The following TMEM232 variants were observed in gnomAD, a reference collection of about 807,000 sequenced individuals.
TMEM232 encodes the protein transmembrane protein 232.
A neutral mutation model predicts 78.8 loss-of-function variants in TMEM232; 80 were observed. That is an observed-to-expected ratio of 1.01 (90% CI 0.85 to 1.22). TMEM232 has a LOEUF of 1.22. Among genes scored for constraint, TMEM232 ranks in the 50% most tolerant of loss-of-function variants. The probability of loss-of-function intolerance (pLI) is 0.00; values close to 1 mark genes in which losing one functional copy is unlikely to be tolerated. For synonymous variants in TMEM232, 297 were observed against 254.3 expected, an observed-to-expected ratio of 1.17 and a Z score of -1.60; for missense variants, 881 against 742.2, an observed-to-expected ratio of 1.19 and a Z score of -2.17.
At chr5:110,706,242 T>C (rs915719172) in intron 1 of TMEM232, among the ~76,000 whole-genome samples, 1 of 152,088 alleles carries the variant, frequency 6.6e-6, no homozygotes, top group Non-Finnish European at 1.5e-5. Flanking sequence ...GAGGTACAAA[T>C]ACAAAGAAAA....
intron 11 of TMEM232, among the ~76,000 whole-genome samples, chr5:110,556,198 A>G (rs778398781): frequency 6.6e-6 from 1 of 152,084 alleles, no homozygotes; most frequent in Non-Finnish European, 1.5e-5. Context: ...TTCCCTTAGT[A>G]TTCGCTTGTT....
At chr5:110,497,368 G>A (rs1041028259) in intron 12 of TMEM232, among the ~76,000 whole-genome samples, 8 of 152,046 alleles carry the variant, frequency 5.3e-5, no homozygotes, top group Non-Finnish European at 1.0e-4. Context: ...GTGGAGACAT[G>A]GAACTTGAAT....
At chr5:110,721,302 T>A (rs2150347540) in intron 1 of TMEM232, among the ~76,000 whole-genome samples, 1 of 152,242 alleles carries the variant, frequency 6.6e-6, no homozygotes, top group African/African-American at 2.4e-5. Context: ...TTCAGCTTTC[T>A]AATAGTCTGG....
At chr5:110,613,487 G>C (rs1462449735) in intron 8 of TMEM232, among the ~76,000 whole-genome samples, 4 of 152,052 alleles carry the variant, frequency 2.6e-5, no homozygotes, top group African/African-American at 9.7e-5. Context: ...TTACTTTCCT[G>C]AAATGTACGG....
chr5:110,535,186 C>T (rs1023925279), intron 11 of TMEM232, among the ~76,000 whole-genome samples: 4 of 152,138 alleles, frequency 2.6e-5, no homozygotes, highest in East Asian at 1.9e-4. Flanking sequence ...TCCAGATGAC[C>T]GGTTCCTGCC....
chr5:110,729,896 T>C (rs17132313), upstream of TMEM232, among the ~76,000 whole-genome samples: 2,907 of 152,298 alleles, frequency 0.019, 81 homozygotes, highest in African/African-American at 0.067. Context: ...AAGTGACACA[T>C]TCACCTGGGA....
intron 12 of TMEM232, among the ~76,000 whole-genome samples, chr5:110,450,282 A>AT (rs987435469): frequency 2.0e-5 from 3 of 152,092 alleles, no homozygotes; most frequent in East Asian, 1.9e-4. Flanking sequence ...TAATGCAATT[A>AT]TTTTTTAGCT....
intron 5 of TMEM232, among the ~76,000 whole-genome samples, chr5:110,628,662 AGTGTGTGTGTGT>A (rs146531604): frequency 8.5e-5 from 12 of 140,818 alleles, no homozygotes; most frequent in South Asian, 2.2e-4. Context: ...GTCAGTATCC[AGTGTGTGTGTGT>A]GTGTGTGTGT....
chr5:110,731,665 C>G (rs938168282), upstream of TMEM232, among the ~76,000 whole-genome samples: 2 of 152,206 alleles, frequency 1.3e-5, no homozygotes, highest in Non-Finnish European at 2.9e-5. Context: ...AGCTGGGACA[C>G]AGGACACCAA....
At chr5:110,623,099 G>C (rs1322589006) in intron 7 of TMEM232, among the ~76,000 whole-genome samples, 4 of 152,036 alleles carry the variant, frequency 2.6e-5, no homozygotes, top group Non-Finnish European at 5.9e-5. Context: ...GCTATCCAAA[G>C]AGCTAATTAA....
At chr5:110,396,300 G>A (rs1428432831) in intron 3 of TMEM232, among the ~76,000 whole-genome samples, 1 of 152,102 alleles carries the variant, frequency 6.6e-6, no homozygotes, top group African/African-American at 2.4e-5. Context: ...CTGGACATGT[G>A]GGGATTACAA....
intron 11 of TMEM232, among the ~76,000 whole-genome samples, chr5:110,556,356 TTCCCC>T (rs1050804278): frequency 8.7e-5 from 13 of 149,620 alleles, no homozygotes; most frequent in African/African-American, 3.0e-4. Context: ...TTCCCTTCCC[TTCCCC>T]TTCCTTCCTT....
intron 10 of TMEM232, among the ~76,000 whole-genome samples, chr5:110,575,236 T>C (rs1159522727): frequency 3.3e-5 from 5 of 152,088 alleles, no homozygotes; most frequent in Non-Finnish European, 7.4e-5. Context: ...ATCATCATTA[T>C]TGATCATTAC....
intron 10 of TMEM232, among the ~76,000 whole-genome samples, chr5:110,594,554 T>C (rs10068568): frequency 0.075 from 11,421 of 152,216 alleles, 539 homozygotes; most frequent in South Asian, 0.2. Flanking sequence ...CAAGAACTAC[T>C]GTCTTGAAAT....
chr5:110,482,382 A>G (rs1465719406), intron 12 of TMEM232, among the ~76,000 whole-genome samples: 1 of 152,106 alleles, frequency 6.6e-6, no homozygotes, highest in African/African-American at 2.4e-5. Flanking sequence ...GGAGTTTGAG[A>G]TGAGCCTGGC....
chr5:110,633,146 A>G (rs1021956416), intron 5 of TMEM232, among the ~76,000 whole-genome samples: 3 of 152,186 alleles, frequency 2.0e-5, no homozygotes, highest in African/African-American at 7.2e-5. Flanking sequence ...ATTATCCTTC[A>G]TACATGAAGA....
At chr5:110,391,169 G>GTA (rs1486149996) in intron 3 of TMEM232, among the ~76,000 whole-genome samples, 1 of 152,120 alleles carries the variant, frequency 6.6e-6, no homozygotes, top group African/African-American at 2.4e-5. Context: ...TAGCTTGTAA[G>GTA]TATGTCCTGA....
At chr5:110,679,106 T>C (rs565192603) in intron 1 of TMEM232, among the ~76,000 whole-genome samples, 2 of 152,112 alleles carry the variant, frequency 1.3e-5, no homozygotes, top group Admixed American at 1.3e-4. Context: ...ACCACCAAAT[T>C]GTCTTCCAAA....
intron 12 of TMEM232, among the ~76,000 whole-genome samples, chr5:110,444,313 G>A (rs948522022): frequency 2.6e-5 from 4 of 152,078 alleles, no homozygotes; most frequent in Admixed American, 6.5e-5. Flanking sequence ...CTGTGTGGGC[G>A]CTGGCTGAGT....
Sources: gnomAD v4.1 joint callset for allele counts (sites outside exome capture counted in the v4.1 genomes callset) on GRCh38, gnomAD v4.1.1 for gene constraint, MANE v1.5 for transcripts, NCBI Gene and HGNC (gene_info 2026-07-23, HGNC 2026-07-21) for gene names.